Variants in RRBP1 observed in about 807,000 individuals in gnomAD.
The protein encoded by RRBP1 is ribosome binding protein 1.
A neutral mutation model predicts 165.2 loss-of-function variants in RRBP1; 94 were observed. The ratio of observed to expected loss-of-function variants is 0.57; its 90% CI spans 0.48 to 0.68. The LOEUF is 0.68. RRBP1 is among the 30% of genes least tolerant of loss of function. The pLI is 0.00. For synonymous variants in RRBP1, 680 were observed against 714.5 expected (o/e 0.95, Z 0.77); for missense variants, 1,676 against 1,763.0 (o/e 0.95, Z 0.88).
At position 17,659,287 on chromosome 20, in the gene RRBP1, G is replaced by A. The variant is rs563532143; in HGVS notation, c.1221C>T (p.Asn407=). 8.5e-6 allele frequency: 13 copies of A among 1,531,174 alleles called. No individual in the cohort carries two copies. Among genetic ancestry groups the A allele is most frequent in the Admixed American group, 4.1e-5 (2 of 49,162 alleles). The allele number at this position is 1,531,174 out of a possible 1,614,324, so 94.8% of individuals were successfully genotyped here. ...GGGCCCCCTCGGCCTTTTTGCCCTG[G>A]TTCTGGGCACCCTCAGCCTTCTTGC... ...NQGKKAEGAQ[N]QGKKAEGAQN... Residue 407 remains asparagine, a synonymous_variant, in exon 3 of 25, where the codon AAC becomes AAT. Coordinates refer to ENST00000377813, the MANE Select transcript of RRBP1 (RefSeq NM_001365613.2).
chr20:17,618,277 G>A (rs900271394), intron 20 of RRBP1, among the ~76,000 whole-genome samples: 4 of 152,150 alleles, frequency 2.6e-5, no homozygotes, highest in African/African-American at 7.2e-5. Flanking sequence ...TATCCCTGAC[G>A]CCCCCAGGTG....
rs1261543140 is a variant in RRBP1, at chr20:17,633,508, A to C, written c.2562T>G (p.Ala854=). Residue 854 remains alanine, a synonymous_variant, in exon 8 of 25, where the codon GCT becomes GCG. Coordinates refer to ENST00000377813, the MANE Select transcript of RRBP1 (RefSeq NM_001365613.2). Reference sequence around the variant, plus strand: ...CGAAGGCAGCTGCCTTGGCTTCCAGAGCTTTCCGCTGCTGCTCATCTTGCC... The same window carrying C: ...CGAAGGCAGCTGCCTTGGCTTCCAGCGCTTTCCGCTGCTGCTCATCTTGCC... ...AVRQDEQQRK[A]LEAKAAAFEK... 1.2e-6 allele frequency: 2 copies of C among 1,613,850 alleles called. No individual in the cohort carries two copies. Among genetic ancestry groups the C allele is most frequent in the African/African-American group, 2.7e-5 (2 of 74,932 alleles).
At chr20:17,650,181 G>A (rs983937577) in intron 3 of RRBP1, among the ~76,000 whole-genome samples, 7 of 152,054 alleles carry the variant, frequency 4.6e-5, no homozygotes, top group African/African-American at 1.7e-4. Context: ...AAAAGTTATA[G>A]AAAAACTGGA....
rs569687587 is a variant in RRBP1, at chr20:17,643,351, C to T, written c.1913-224G>A. Among the ~76,000 whole-genome samples the T allele has an allele frequency of 2.6e-5, 4 of 152,252 alleles. No homozygotes were observed. Among genetic ancestry groups the T allele is most frequent in the African/African-American group, 9.6e-5 (4 of 41,558 alleles). ...AGGTCCCTGCACCGTCCTAACTCGC[C>T]CATAGGAAGTCCCAGCCTGGGGTGG... On this transcript the variant is annotated intron_variant, in intron 3 of 24. Transcript: ENST00000377813. This position sits in a 1 kb window ranked among gnomAD's most constrained non-coding sequence, Gnocchi z 4.3.
chr20:17,621,957 G>A lies in RRBP1; in HGVS notation c.3148-10C>T. 6.2e-7 allele frequency: 1 copy of A among 1,607,740 alleles called. No homozygotes were observed. The highest frequency in any genetic ancestry group is 8.5e-7 in the Non-Finnish European group (1 of 1,175,234). On this transcript the variant is annotated splice_polypyrimidine_tract_variant and intron_variant, in intron 13 of 24. Transcript: ENST00000377813. ...GCTTCTCCGATTCCTCCTGGGGGGT[G>A]GGTGGGGAAGAGCGGAAGGTGTTCA... is the stretch of plus-strand genomic sequence containing the variant.
rs150160247 is a variant in RRBP1, at chr20:17,615,486, A to G, written c.3995T>C (p.Leu1332Pro). The change falls in exon 23 of 25, where the codon CTC becomes CCC. Residue 1332 changes from leucine (L) to proline (P), a missense_variant. Physicochemically the swap from Leu to Pro is moderately conservative, Grantham distance 98. This residue lies in a region of RRBP1 where 1,184 missense variants were observed against 1,167.1 expected (regional missense o/e 1.01). Transcript: ENST00000377813. The part of the protein sequence containing the change: ...ACRLQEELEK[L>P]RTAGPLESSE... ...AGACTCTAGGGGGCCGGCTGTGCGG[A>G]GCTTCTCCAATTCTTCTTGTAACCG... is the stretch of plus-strand genomic sequence containing the variant. 8.0e-5 allele frequency: 129 copies of G among 1,607,034 alleles called. No homozygotes were observed. Among genetic ancestry groups the G allele is most frequent in the Non-Finnish European group, 1.1e-4 (124 of 1,177,790 alleles).
At chr20:17,615,801 A>AAGGCCC (rs1308040466) in intron 22 of RRBP1, 125 bp downstream of exon 22, 12 of 841,360 alleles carry the variant, frequency 1.4e-5, no homozygotes, top group Middle Eastern at 6.6e-4. Context: ...TGCTGCCCAG[A>AAGGCCC]AGGCCCAGGC....
chr20:17,629,633 C>T (rs921024258), intron 9 of RRBP1, among the ~76,000 whole-genome samples, 190 bp downstream of exon 9: 2 of 151,936 alleles, frequency 1.3e-5, no homozygotes, highest in African/African-American at 4.8e-5. Flanking sequence ...AGGCTGACTG[C>T]GCCCCCCGCC....
chr20:17,636,015 C>A (rs902352971), intron 6 of RRBP1, among the ~76,000 whole-genome samples: 4 of 152,220 alleles, frequency 2.6e-5, no homozygotes, highest in South Asian at 2.1e-4. Context: ...GCCTCTAACC[C>A]CCCTGAGGAA....
At chr20:17,636,153 G>A (rs2036244330) in intron 6 of RRBP1, among the ~76,000 whole-genome samples, 1 of 152,238 alleles carries the variant, frequency 6.6e-6, no homozygotes, top group Non-Finnish European at 1.5e-5. Flanking sequence ...CAGCCGCCCA[G>A]TGCTGGCCGC....
At chr20:17,679,710 A>G (rs2037144152) in intron 2 of RRBP1, among the ~76,000 whole-genome samples, 4 of 152,252 alleles carry the variant, frequency 2.6e-5, no homozygotes, top group Admixed American at 2.6e-4. Flanking sequence ...TAATTGCTCA[A>G]ATGTGACTTG....
In RRBP1 at chr20:17,614,756, TGCA is replaced by T. The variant is rs1158885530; in HGVS notation, c.4172_4174del (p.Leu1391del). 6.2e-7 allele frequency: 1 copy of T among 1,613,054 alleles called. No individual in the cohort carries two copies. The highest frequency in any genetic ancestry group is 8.5e-7 in the Non-Finnish European group (1 of 1,180,026). ...ACGCACTGCCTTTTCCAGCTGTTCC[TGCA>T]GCTTCTTCACCGTGTCCTTCTCCCT... On this transcript the variant is annotated inframe_deletion, in exon 24 of 25. Coordinates refer to ENST00000377813, the MANE Select transcript of RRBP1 (RefSeq NM_001365613.2).
intron 2 of RRBP1, among the ~76,000 whole-genome samples, chr20:17,674,554 G>A (rs1052764869): frequency 1.3e-5 from 2 of 152,208 alleles, no homozygotes; most frequent in East Asian, 1.9e-4. Flanking sequence ...ACGAGGTCAG[G>A]AGATCGAGAC....
chr20:17,663,423 T>C (rs772698285), intron 2 of RRBP1, among the ~76,000 whole-genome samples: 4 of 152,184 alleles, frequency 2.6e-5, no homozygotes, highest in African/African-American at 4.8e-5. Flanking sequence ...CACACAAATA[T>C]ATGTTTTATA....
chr20:17,641,796 C>A lies in RRBP1; in HGVS notation c.2184+1G>T. Reference sequence around the variant, plus strand: ...CATCTCCGAGCCCACTCAGGCTGTACCTTGTTGAGCTCCCTCAGTTTGCTC... The same window carrying A: ...CATCTCCGAGCCCACTCAGGCTGTAACTTGTTGAGCTCCCTCAGTTTGCTC... On this transcript the variant is annotated splice_donor_variant, in intron 5 of 24. Transcript: ENST00000377813. LOFTEE classifies it high-confidence loss of function. The A allele has an allele frequency of 1.2e-6, 2 of 1,612,848 alleles. No individual in the cohort carries two copies. Among genetic ancestry groups the A allele is most frequent in the Non-Finnish European group, 1.7e-6 (2 of 1,179,942 alleles).
At chr20:17,662,413 C>T (rs1179923545) in intron 2 of RRBP1, among the ~76,000 whole-genome samples, 1 of 152,216 alleles carries the variant, frequency 6.6e-6, no homozygotes, top group Non-Finnish European at 1.5e-5. Flanking sequence ...ACAACTCTAT[C>T]AGCTGCTGTG....
At chr20:17,617,565 C>T (rs1413147173) in intron 20 of RRBP1, among the ~76,000 whole-genome samples, 1 of 152,224 alleles carries the variant, frequency 6.6e-6, no homozygotes, top group East Asian at 1.9e-4. Flanking sequence ...ACAGAAACTC[C>T]AGGGGGTTTT....
Position 17,659,913 on chromosome 20 carries a change from CCT to C in RRBP1, c.593_594del (p.Gln198ArgfsTer15), listed in dbSNP as rs2036727565. ...TTCTGAGTCCCCTCCGCCTTTTTGC[CCT>C]GAGTAGTGCCAGTGGCTGGTGTGTT... Reference protein sequence around the residue: ...KGNTPATGTTQGKKAEGTQNQ... With the variant: ...KGNTPATGTTXGKKAEGTQNQ... On this transcript the variant is annotated frameshift_variant, in exon 3 of 25. Coordinates refer to ENST00000377813, the MANE Select transcript of RRBP1 (RefSeq NM_001365613.2). LOFTEE classifies it high-confidence loss of function. 2 of 1,564,736 alleles carry C rather than the reference CCT, an allele frequency of 1.3e-6. No homozygotes were observed. Among genetic ancestry groups the C allele is most frequent in the Non-Finnish European group, 1.7e-6 (2 of 1,153,366 alleles).
intron 19 of RRBP1, 114 bp downstream of exon 19, chr20:17,619,519 G>A (rs964685565): frequency 1.0e-5 from 7 of 692,396 alleles, no homozygotes; most frequent in Non-Finnish European, 9.2e-6. Context: ...CTGAGGACTC[G>A]GACTTCAAGG....
Sources: allele counts gnomAD v4.1 joint callset (sites outside exome capture counted in the v4.1 genomes callset), GRCh38; gene constraint gnomAD v4.1.1; regional missense constraint gnomAD v4.1.1; non-coding constraint Gnocchi (gnomAD v3.1); transcripts MANE v1.5; gene names NCBI Gene and HGNC (gene_info 2026-07-23, HGNC 2026-07-21).